Variants in SLIT3 observed in about 807,000 individuals in gnomAD.
SLIT3 encodes slit guidance ligand 3.
In SLIT3, 68 loss-of-function variants were observed where a neutral mutation model predicts 184.0. That is an observed-to-expected ratio of 0.37 (90% confidence interval 0.30 to 0.45). The LOEUF (loss-of-function observed/expected upper bound fraction) is 0.45, where lower values mean the gene tolerates loss of function less well. Ranked by LOEUF, SLIT3 falls within the 20% of genes least tolerant of loss-of-function variation. SLIT3 has a pLI of 1.00. For synonymous variants in SLIT3, 831 were observed against 828.6 expected (o/e 1.00, Z -0.05); for missense variants, 1,707 against 2,026.0 (o/e 0.84, Z 3.02).
At chr5:169,134,865 G>A (rs1009950736) in intron 4 of SLIT3, among the ~76,000 whole-genome samples, 3 of 152,146 alleles carry the variant, frequency 2.0e-5, no homozygotes, top group Non-Finnish European at 2.9e-5. Context: ...TTATATGTAG[G>A]TTTTTGTTAT....
At position 168,762,690 on chromosome 5, in the gene SLIT3, C is replaced by T; in HGVS notation, c.1460-1G>A. 6.2e-7 allele frequency: 1 copy of T among 1,612,792 alleles called. No homozygotes were observed. The highest frequency in any genetic ancestry group is 8.5e-7 in the Non-Finnish European group (1 of 1,179,286). ...AACCTGCTGCGGTAATCCTCGGAGCCTGGGAGGGGCCAAAGAGGGGACGTC... is the reference window on the plus strand; with the variant it reads ...AACCTGCTGCGGTAATCCTCGGAGCTTGGGAGGGGCCAAAGAGGGGACGTC... On this transcript the variant is annotated splice_acceptor_variant, in intron 14 of 35. Transcript: ENST00000519560. LOFTEE classifies it high-confidence loss of function.
chr5:169,039,222 AG>A (rs1224267115), intron 4 of SLIT3, among the ~76,000 whole-genome samples: 1 of 151,978 alleles, frequency 6.6e-6, no homozygotes, highest in Non-Finnish European at 1.5e-5. Context: ...CATTACCCTG[AG>A]GGGGTACAGG....
chr5:168,940,624 T>C (rs1350883023), intron 4 of SLIT3, among the ~76,000 whole-genome samples: 1 of 152,200 alleles, frequency 6.6e-6, no homozygotes, highest in Non-Finnish European at 1.5e-5. Flanking sequence ...AAGGATGATT[T>C]AGTCCCAACT....
chr5:168,772,329 T>C (rs1005419291), intron 14 of SLIT3: 8 of 184,890 alleles, frequency 4.3e-5, no homozygotes, highest in African/African-American at 1.9e-4. Flanking sequence ...CCATGGTCTG[T>C]CTCCGAAGGG....
chr5:169,199,074 T>C (rs1217389699), intron 3 of SLIT3, among the ~76,000 whole-genome samples: 5 of 150,822 alleles, frequency 3.3e-5, no homozygotes, highest in African/African-American at 1.2e-4. Flanking sequence ...TAAGCCCAGT[T>C]TGGAGGAGGT....
chr5:168,928,696 A>T (rs191540451), intron 4 of SLIT3, among the ~76,000 whole-genome samples: 210 of 152,342 alleles, frequency 1.4e-3, no homozygotes, highest in Middle Eastern at 3.4e-3. Flanking sequence ...GAAATTTTTT[A>T]AAAAAGCATT....
intron 13 of SLIT3, 119 bp from the exon 14 acceptor site, chr5:168,773,063 C>T (rs537333602): frequency 9.5e-5 from 101 of 1,063,246 alleles, no homozygotes; most frequent in Non-Finnish European, 1.2e-4. Context: ...CCTGCCTCAT[C>T]GCCCCAGGAA....
chr5:168,683,980 T>A lies in SLIT3; in HGVS notation c.3672A>T (p.Pro1224=). Residue 1224 remains proline (P), a synonymous_variant, in exon 32 of 36, where the codon CCA becomes CCT. Coordinates refer to ENST00000519560, the MANE Select transcript of SLIT3 (RefSeq NM_003062.4). The part of the protein sequence containing the change: ...RLVYDSLSSP[P]TTVYSVETVN... The stretch of plus-strand genomic sequence containing the variant: ...GAGGCCCTTACCTGTACACTGTGGT[T>A]GGAGGGGAACTCAGGCTGTCATAGA... 6.3e-7 allele frequency: 1 copy of A among 1,587,930 alleles called. No individual in the cohort carries two copies.
intron 4 of SLIT3, among the ~76,000 whole-genome samples, chr5:168,953,293 C>T (rs1271178192): frequency 1.3e-5 from 2 of 152,158 alleles, no homozygotes; most frequent in African/African-American, 4.8e-5. Flanking sequence ...GCAGCTATTT[C>T]TGAGCAATTT....
At chr5:169,031,081 T>C (rs1233463335) in intron 4 of SLIT3, among the ~76,000 whole-genome samples, 2 of 152,158 alleles carry the variant, frequency 1.3e-5, no homozygotes, top group Non-Finnish European at 2.9e-5. Flanking sequence ...GTATCCAGCA[T>C]AGTAGTCGTA....
chr5:168,946,261 G>A (rs1762480875), intron 4 of SLIT3, among the ~76,000 whole-genome samples: 2 of 152,162 alleles, frequency 1.3e-5, no homozygotes, highest in South Asian at 4.1e-4. Flanking sequence ...CAAGGGAGGG[G>A]ACTCAGTTGA....
intron 4 of SLIT3, among the ~76,000 whole-genome samples, chr5:168,914,861 A>G (rs1761382634): frequency 6.6e-6 from 1 of 152,170 alleles, no homozygotes; most frequent in Non-Finnish European, 1.5e-5. Flanking sequence ...ATGGAGCCCA[A>G]ACTCCACTGT....
chr5:168,885,644 C>T (rs142196886), intron 4 of SLIT3, among the ~76,000 whole-genome samples: 3 of 152,140 alleles, frequency 2.0e-5, no homozygotes, highest in East Asian at 1.9e-4. Flanking sequence ...CTCTCTCTGG[C>T]GGCTCTGGAA....
chr5:168,966,670 G>C (rs949282888), intron 4 of SLIT3, among the ~76,000 whole-genome samples: 1 of 152,104 alleles, frequency 6.6e-6, no homozygotes, highest in Admixed American at 6.5e-5. Context: ...ACCTATTTCT[G>C]GGCACTCTAA....
chr5:169,014,610 G>A (rs2113467606), intron 4 of SLIT3, among the ~76,000 whole-genome samples: 2 of 152,328 alleles, frequency 1.3e-5, no homozygotes, highest in Middle Eastern at 3.4e-3. Context: ...GAGAAGGAAG[G>A]AAAATAGGGC....
intron 4 of SLIT3, among the ~76,000 whole-genome samples, chr5:169,145,842 G>A (rs1186863986): frequency 6.6e-6 from 1 of 152,200 alleles, no homozygotes; most frequent in Non-Finnish European, 1.5e-5. Context: ...GAGGTCAGGA[G>A]CTCGAGGCCA....
At chr5:168,939,279 C>A (rs536007108) in intron 4 of SLIT3, among the ~76,000 whole-genome samples, 5 of 152,172 alleles carry the variant, frequency 3.3e-5, no homozygotes, top group Non-Finnish European at 7.3e-5. Flanking sequence ...AGGAAGCCAG[C>A]GTCATCAGGC....
intron 1 of SLIT3, among the ~76,000 whole-genome samples, chr5:169,298,798 A>T (rs78405592): frequency 3.2e-3 from 493 of 152,346 alleles, no homozygotes; most frequent in Non-Finnish European, 5.6e-3. Context: ...CTTAACTGTG[A>T]AAGGGAGTAA....
chr5:168,946,739 A>G (rs553841439), intron 4 of SLIT3, among the ~76,000 whole-genome samples: 2 of 152,216 alleles, frequency 1.3e-5, no homozygotes, highest in East Asian at 3.9e-4. Context: ...CTCACCCCCT[A>G]GCCCAGCCTT....
Sources: gnomAD v4.1 joint callset for allele counts (sites outside exome capture counted in the v4.1 genomes callset) on GRCh38, gnomAD v4.1.1 for gene constraint, MANE v1.5 for transcripts, NCBI Gene and HGNC (gene_info 2026-07-23, HGNC 2026-07-21) for gene names.